The following SDK1 variants were observed in gnomAD, a reference collection of about 807,000 sequenced individuals.
SDK1 encodes protein sidekick-1.
Under a neutral mutation model 245.5 loss-of-function variants are expected in SDK1, and 157 were observed. The ratio of observed to expected loss-of-function variants is 0.64; its 90% CI spans 0.56 to 0.73. The LOEUF (loss-of-function observed/expected upper bound fraction) is 0.73. SDK1 is among the 30% of genes least tolerant of loss of function. The probability of loss-of-function intolerance (pLI) is 0.00; values close to 1 mark genes in which losing one functional copy is unlikely to be tolerated. For missense variants in SDK1, 3,583 were observed against 3,002.3 expected (o/e 1.19, Z -4.52); for synonymous variants, 1,647 against 1,278.5 (o/e 1.29, Z -6.15).
At chr7:4,001,849 C>G (rs1247185395) in intron 14 of SDK1, among the ~76,000 whole-genome samples, 2 of 152,198 alleles carry the variant, frequency 1.3e-5, no homozygotes, top group Non-Finnish European at 2.9e-5. Context: ...AGTGGTTTAT[C>G]CCTGTCACTC....
At chr7:3,539,879 G>A (rs1330922147) in intron 1 of SDK1, among the ~76,000 whole-genome samples, 1 of 152,224 alleles carries the variant, frequency 6.6e-6, no homozygotes, top group Non-Finnish European at 1.5e-5. Flanking sequence ...TAGGGGCAGA[G>A]AGTGGCAGCC....
At chr7:3,965,090 G>A (rs796809106) in intron 9 of SDK1, among the ~76,000 whole-genome samples, 23 of 152,254 alleles carry the variant, frequency 1.5e-4, no homozygotes, top group African/African-American at 5.3e-4. Flanking sequence ...GATATTTTTG[G>A]CTTTGAAGGA....
intron 4 of SDK1, among the ~76,000 whole-genome samples, chr7:3,760,262 T>C (rs1165831412): frequency 6.6e-6 from 1 of 152,178 alleles, no homozygotes; most frequent in Non-Finnish European, 1.5e-5. Context: ...AAGACTCAGG[T>C]TGTCCGTCAT....
intron 4 of SDK1, among the ~76,000 whole-genome samples, chr7:3,656,095 T>G (rs894271632): frequency 2.0e-5 from 3 of 152,188 alleles, no homozygotes; most frequent in Non-Finnish European, 4.4e-5. Context: ...AGCCAGCTGT[T>G]TCTCAGCTCA....
chr7:3,699,123 C>T (rs1457177947), intron 4 of SDK1, among the ~76,000 whole-genome samples: 1 of 152,190 alleles, frequency 6.6e-6, no homozygotes, highest in Non-Finnish European at 1.5e-5. Flanking sequence ...TGGATTCCTA[C>T]TAGTGCAGTG....
At chr7:4,149,838 C>T (rs1034994245) in intron 30 of SDK1, among the ~76,000 whole-genome samples, 4 of 152,152 alleles carry the variant, frequency 2.6e-5, no homozygotes, top group African/African-American at 7.2e-5. Context: ...CTGGGCTGGC[C>T]TCGGGTGTCC....
chr7:4,198,569 A>G (rs1211233802), intron 35 of SDK1, among the ~76,000 whole-genome samples: 3 of 152,206 alleles, frequency 2.0e-5, no homozygotes, highest in Non-Finnish European at 4.4e-5. Flanking sequence ...ACACCCGTGC[A>G]TGTTGTTGGA....
At position 3,755,951 on chromosome 7, in the gene SDK1, T is replaced by G. The variant is rs573459668; in HGVS notation, c.714-65499T>G. Among the ~76,000 whole-genome samples, 56 of 152,224 alleles carry G rather than the reference T, an allele frequency of 3.7e-4. 1 individual carries two copies. In the South Asian group the frequency reaches 0.011, roughly 30 times the overall value. ...TGACACATGTATATCGTTTTAACTCTGACTCCTTTCACATGGCATAGCACG... is the reference window on the plus strand; with the variant it reads ...TGACACATGTATATCGTTTTAACTCGGACTCCTTTCACATGGCATAGCACG... On this transcript the variant is annotated intron_variant, in intron 4 of 44. Coordinates refer to ENST00000404826, the MANE Select transcript of SDK1 (RefSeq NM_152744.4).
intron 5 of SDK1, among the ~76,000 whole-genome samples, chr7:3,832,992 T>C (rs921800290): frequency 4.5e-4 from 69 of 152,158 alleles, no homozygotes; most frequent in Non-Finnish European, 8.7e-4. Context: ...ACCAAAGATA[T>C]TATTTTATGT....
chr7:3,444,065 A>C (rs1780274684), intron 1 of SDK1, among the ~76,000 whole-genome samples: 1 of 152,226 alleles, frequency 6.6e-6, no homozygotes, highest in Non-Finnish European at 1.5e-5. Flanking sequence ...GCTCTCTCCC[A>C]GACTCCTATA....
At chr7:3,512,571 C>T (rs926300288) in intron 1 of SDK1, among the ~76,000 whole-genome samples, 4 of 152,160 alleles carry the variant, frequency 2.6e-5, no homozygotes, top group African/African-American at 9.7e-5. Context: ...TTTTACATCC[C>T]CAGCAGCAAT....
At chr7:3,303,370 C>T (rs1048205885) in intron 1 of SDK1, among the ~76,000 whole-genome samples, 2 of 152,044 alleles carry the variant, frequency 1.3e-5, no homozygotes, top group Non-Finnish European at 2.9e-5. Context: ...GCACTAAGAC[C>T]TGTACGTTCA....
intron 14 of SDK1, among the ~76,000 whole-genome samples, chr7:3,987,627 G>A (rs188513830): frequency 7.9e-5 from 12 of 152,206 alleles, no homozygotes; most frequent in African/African-American, 2.6e-4. Context: ...GCTGGAAATG[G>A]GTTAACAATG....
chr7:3,568,680 A>G (rs1780004667), intron 1 of SDK1, among the ~76,000 whole-genome samples: 1 of 152,222 alleles, frequency 6.6e-6, no homozygotes, highest in South Asian at 2.1e-4. Flanking sequence ...CAGAGCCATT[A>G]TAATTTATGA....
intron 1 of SDK1, among the ~76,000 whole-genome samples, chr7:3,531,196 G>A (rs1262694451): frequency 1.3e-5 from 2 of 152,170 alleles, no homozygotes; most frequent in African/African-American, 4.8e-5. Flanking sequence ...GATCTTCAGT[G>A]TGGAACTTTT....
At chr7:4,255,914 C>CCTT (rs1787591766) in intron 44 of SDK1, among the ~76,000 whole-genome samples, 1 of 104,102 alleles carries the variant, frequency 9.6e-6, no homozygotes, top group Non-Finnish European at 1.8e-5. Flanking sequence ...TTTCCAAATA[C>CCTT]TTTTTTTTTT....
intron 1 of SDK1, among the ~76,000 whole-genome samples, chr7:3,396,321 A>C (rs1221182330): frequency 6.6e-6 from 1 of 151,760 alleles, no homozygotes; most frequent in African/African-American, 2.4e-5. Flanking sequence ...CATATGACTT[A>C]TCTTGGGTTC....
chr7:3,580,063 T>C (rs1265429454), intron 1 of SDK1, among the ~76,000 whole-genome samples: 2 of 152,156 alleles, frequency 1.3e-5, no homozygotes, highest in East Asian at 1.9e-4. Context: ...CATAATGTAA[T>C]ACCTAGAAGT....
chr7:3,564,325 A>G (rs1353085776), intron 1 of SDK1, among the ~76,000 whole-genome samples: 4 of 152,108 alleles, frequency 2.6e-5, no homozygotes, highest in African/African-American at 9.7e-5. Flanking sequence ...AAGAAAGAAA[A>G]GAGAAGCTAA....
Sources: allele counts gnomAD v4.1 joint callset (sites outside exome capture counted in the v4.1 genomes callset), GRCh38; gene constraint gnomAD v4.1.1; transcripts MANE v1.5; gene names NCBI Gene and HGNC (gene_info 2026-07-23, HGNC 2026-07-21).